The following BCAN variants were observed in gnomAD, a reference collection of about 807,000 sequenced individuals.
BCAN encodes the protein brevican.
A neutral mutation model predicts 92.4 loss-of-function variants in BCAN; 51 were observed. That is an observed-to-expected ratio of 0.55 (90% CI 0.44 to 0.70). The LOEUF (loss-of-function observed/expected upper bound fraction) is 0.70. Among genes scored for constraint, BCAN ranks in the 30% least tolerant of loss-of-function variants. The probability of loss-of-function intolerance (pLI) is 0.00; values close to 1 mark genes in which losing one functional copy is unlikely to be tolerated. For synonymous variants in BCAN, 501 were observed against 505.2 expected, an observed-to-expected ratio of 0.99 and a Z score of 0.11; for missense variants, 1,140 against 1,212.1, an observed-to-expected ratio of 0.94 and a Z score of 0.88.
Position 156,659,255 on chromosome 1 carries a change from A to G in BCAN, c.*121A>G. On this transcript the variant is annotated 3_prime_UTR_variant, in exon 14 of 14. Transcript: ENST00000329117. ...ATGACGAGGGGTGGTACTGGAGTCC[A>G]GGTGACAGTTCCTGAAGGGGCTTCT... 3 of 747,794 alleles carry G rather than the reference A, an allele frequency of 4.0e-6. No individual in the cohort carries two copies. Among genetic ancestry groups the G allele is most frequent in the Non-Finnish European group, 6.3e-6 (3 of 478,778 alleles). The allele number at this position is 747,794 out of a possible 1,614,324, so 46.3% of individuals were successfully genotyped here.
chr1:156,646,609 C>G, intron 2 of BCAN, 192 bp from the exon 3 acceptor site: 2 of 923,862 alleles, frequency 2.2e-6, no homozygotes, highest in Non-Finnish European at 1.5e-6. Flanking sequence ...GTCTGGAGAC[C>G]GTCGGGGTGG....
At chr1:156,654,331 C>T (rs193037748) in intron 8 of BCAN, among the ~76,000 whole-genome samples, 1 of 152,278 alleles carries the variant, frequency 6.6e-6, no homozygotes, top group Admixed American at 6.5e-5. Flanking sequence ...CCCATGTCAA[C>T]TGTTAGGTCC....
intron 1 of BCAN, 130 bp from the exon 2 acceptor site, chr1:156,645,917 C>T (rs1371622087): frequency 1.3e-5 from 9 of 667,346 alleles, no homozygotes; most frequent in Non-Finnish European, 2.2e-5. Flanking sequence ...ACAGAGAGTC[C>T]ATGGTGATGT....
At chr1:156,657,906 C>A (rs1679392404) in intron 11 of BCAN, 149 bp downstream of exon 11, 2 of 831,340 alleles carry the variant, frequency 2.4e-6, no homozygotes, top group Non-Finnish European at 3.7e-6. Context: ...CCTGGGCTCT[C>A]CTCCCTTCGT....
chr1:156,651,559 A>C lies in BCAN; in HGVS notation c.1167A>C (p.Glu389Asp), dbSNP rs1418341506. The C allele has an allele frequency of 6.2e-7, 1 of 1,613,858 alleles. No homozygotes were observed. The highest frequency in any genetic ancestry group is 8.5e-7 in the Non-Finnish European group (1 of 1,180,002). ...TCACAGTGACAGAGACCCTGGAGGA[A>C]CTGCAGCTGCCTCAGGAAGCCACAG... ...AIVTVTETLE[E>D]LQLPQEATES... The change falls in exon 7 of 14, where the codon GAA (glutamate) becomes GAC (aspartate). Residue 389 changes from glutamate (E) to aspartate (D), a missense_variant. This residue lies in a region of BCAN where 825 missense variants were observed against 871.8 expected (regional missense o/e 0.95). Transcript: ENST00000329117.
Position 156,657,466 on chromosome 1 carries a change from C to G in BCAN, c.2210-209C>G, listed in dbSNP as rs532008757. ...TTTTTCCAAAACTCCCCTTTTCTAG[C>G]CTGGGTTGATATCTTCCTTATTCTC... On this transcript the variant is annotated intron_variant, in intron 10 of 13. Transcript: ENST00000329117. 78 of 559,360 alleles carry G rather than the reference C, an allele frequency of 1.4e-4. 1 individual carries two copies. In the South Asian group the frequency reaches 1.9e-3, roughly 14 times the overall value. The allele number at this position is 559,360 out of a possible 1,614,324, so 34.6% of individuals were successfully genotyped here.
In BCAN at chr1:156,652,669, G is replaced by A; in HGVS notation, c.1719G>A (p.Glu573=). 1 of 1,613,340 alleles carries A rather than the reference G, an allele frequency of 6.2e-7. No homozygotes were observed. Among genetic ancestry groups the A allele is most frequent in the South Asian group, 1.1e-5 (1 of 91,030 alleles). Residue 573 remains glutamate, a synonymous_variant, in exon 8 of 14, where the codon GAG becomes GAA. Transcript: ENST00000329117. ...TGGGGGAGGCAACTGGTGGTCCTGA[G>A]CTATCTGGGGTCCCTCGAGGAGAGA... ...REVGEATGGP[E]LSGVPRGESE...
Position 156,658,037 on chromosome 1 carries a change from C to T in BCAN, c.2293-90C>T. Reference sequence around the variant, plus strand: ...CCCTAACCTTCCCTCTCCTGGGGCCCCGCTCACCAGCCCTCCTCCCCAGAT... The same window carrying T: ...CCCTAACCTTCCCTCTCCTGGGGCCTCGCTCACCAGCCCTCCTCCCCAGAT... On this transcript the variant is annotated intron_variant, in intron 11 of 13. Transcript: ENST00000329117. This position sits in a 1 kb window ranked among gnomAD's most constrained non-coding sequence, Gnocchi z 4.4. 6.7e-7 allele frequency: 1 copy of T among 1,493,132 alleles called. No individual in the cohort carries two copies. The highest frequency in any genetic ancestry group is 9.1e-7 in the Non-Finnish European group (1 of 1,097,904). 92.5% of individuals were successfully genotyped at this position (1,493,132 alleles called of 1,614,324 possible).
rs1325468831 is a variant in BCAN at position 156,646,035 on chromosome 1, T to C, written c.-8-12T>C. The C allele has an allele frequency of 4.4e-6, 7 of 1,605,496 alleles. No homozygotes were observed. The highest frequency in any genetic ancestry group is 6.0e-6 in the Non-Finnish European group (7 of 1,173,476). On this transcript the variant is annotated splice_polypyrimidine_tract_variant and intron_variant, in intron 1 of 13. Transcript: ENST00000329117. The stretch of plus-strand genomic sequence containing the variant: ...TCTAACCCCATCTTTCCTTCTCATG[T>C]CCCTCTGTCAGCCTGCAGCATGGCC...
chr1:156,651,594 C>T lies in BCAN; in HGVS notation c.1202C>T (p.Ser401Phe). ...QLPQEATESE[S>F]RGAIYSIPIM... ...CCTCAGGAAGCCACAGAGAGTGAAT[C>T]CCGTGGGGCCATCTACTCCATCCCC... The change falls in exon 7 of 14, where the codon TCC becomes TTC. Residue 401 changes from serine (S) to phenylalanine (F), a missense_variant. Ser to Phe is a radical substitution (Grantham distance 155, BLOSUM62 -2). Around this residue, in one of 3 missense-constraint regions of BCAN, gnomAD observed 825 missense variants for 871.8 expected, o/e 0.95. Coordinates refer to ENST00000329117, the MANE Select transcript of BCAN (RefSeq NM_021948.5). 3 of 1,613,940 alleles carry T rather than the reference C, an allele frequency of 1.9e-6. No homozygotes were observed. In the Middle Eastern group the frequency reaches 4.9e-4, roughly 266 times the overall value.
rs775202673 is a variant in BCAN, at chr1:156,647,871, C to G, written c.642-112C>G. 2 of 1,558,156 alleles carry G rather than the reference C, an allele frequency of 1.3e-6. No individual in the cohort carries two copies. ...ATCCCTGCAGTGCTAGAAGGACAGCCAGCTGTCAGCAAGTGTCTGCACTGT... is the reference window on the plus strand; with the variant it reads ...ATCCCTGCAGTGCTAGAAGGACAGCGAGCTGTCAGCAAGTGTCTGCACTGT... On this transcript the variant is annotated intron_variant, in intron 4 of 13. Coordinates refer to ENST00000329117, the MANE Select transcript of BCAN (RefSeq NM_021948.5). This position sits in a 1 kb window ranked among gnomAD's most constrained non-coding sequence, Gnocchi z 4.8.
In BCAN at chr1:156,658,376, G is replaced by A; in HGVS notation, c.2437+105G>A. On this transcript the variant is annotated intron_variant, in intron 12 of 13. Transcript: ENST00000329117. This position sits in a 1 kb window ranked among gnomAD's most constrained non-coding sequence, Gnocchi z 4.4. ...AGAGAGTGCAAAGCAACATAGAGGAGTCAGAACGTGTTCCAGACCATGGGA... is the reference window on the plus strand; with the variant it reads ...AGAGAGTGCAAAGCAACATAGAGGAATCAGAACGTGTTCCAGACCATGGGA... 2 of 1,504,828 alleles carry A rather than the reference G, an allele frequency of 1.3e-6. No homozygotes were observed. The highest frequency in any genetic ancestry group is 1.3e-5 in the South Asian group (1 of 78,040). The allele number at this position is 1,504,828 out of a possible 1,614,324, so 93.2% of individuals were successfully genotyped here. A position where few individuals can be genotyped will look rare whatever the true frequency, so the allele number is the denominator to read the frequency against.
Position 156,657,713 on chromosome 1 carries a change from A to G in BCAN, c.2248A>G (p.Arg750Gly), listed in dbSNP as rs371785076. 24 of 1,612,358 alleles carry G rather than the reference A, an allele frequency of 1.5e-5. No individual in the cohort carries two copies. The highest frequency in any genetic ancestry group is 2.7e-5 in the African/African-American group (2 of 74,780). The change falls in exon 11 of 14, where the codon AGG (arginine) becomes GGG (glycine). Residue 750 changes from arginine to glycine, a missense_variant. Arg to Gly is a moderately radical substitution (Grantham distance 125, BLOSUM62 -2). Coordinates refer to ENST00000329117, the MANE Select transcript of BCAN (RefSeq NM_021948.5). ...REYQWIGLND[R>G]TIEGDFLWSD... The stretch of plus-strand genomic sequence containing the variant: ...GTACCAGTGGATCGGACTCAACGAC[A>G]GGACCATCGAAGGCGACTTCTTGTG...
At chr1:156,657,789 G>C (rs949970421) in intron 11 of BCAN, 32 bp downstream of exon 11, 3 of 1,581,430 alleles carry the variant, frequency 1.9e-6, no homozygotes, top group East Asian at 2.2e-5. Context: ...CCGCCGTCTA[G>C]CTCACTTCCT....
chr1:156,653,147 T>C (rs939051922), intron 8 of BCAN: 23 of 1,399,320 alleles, frequency 1.6e-5, no homozygotes, highest in Admixed American at 3.3e-5. Flanking sequence ...TTCCCTGCCA[T>C]TGGGCCCTCC....
rs1182345758 is a variant in BCAN, at chr1:156,659,208, C to T, written c.*74C>T. The stretch of plus-strand genomic sequence containing the variant: ...AATTTTCCCTCACACCCTGCGCTCC[C>T]GCCACCACAGGAAGTGACAACATGA... On this transcript the variant is annotated 3_prime_UTR_variant, in exon 14 of 14. Coordinates refer to ENST00000329117, the MANE Select transcript of BCAN (RefSeq NM_021948.5). The T allele has an allele frequency of 3.5e-6, 4 of 1,151,428 alleles. No individual in the cohort carries two copies. The highest frequency in any genetic ancestry group is 4.8e-6 in the Non-Finnish European group (4 of 825,570). 71.3% of individuals were successfully genotyped at this position (1,151,428 alleles called of 1,614,324 possible). A position where few individuals can be genotyped will look rare whatever the true frequency, so the allele number is the denominator to read the frequency against.
In BCAN at chr1:156,647,635, G is replaced by T. The variant is rs1410562271; in HGVS notation, c.594G>T (p.Gly198=). 4 of 1,611,342 alleles carry T rather than the reference G, an allele frequency of 2.5e-6. No homozygotes were observed. The Admixed American group carries it at 6.7e-5, about 27-fold the overall frequency. Reference sequence around the variant, plus strand: ...AGCAGCTCTATGCCGCCTACCTTGGGGGCTATGAGCAATGTGATGCTGGCT... The same window carrying T: ...AGCAGCTCTATGCCGCCTACCTTGGTGGCTATGAGCAATGTGATGCTGGCT... The part of the protein sequence containing the change: ...TPEQLYAAYL[G]GYEQCDAGWL... The change falls in exon 4 of 14, where the codon GGG becomes GGT. Residue 198 remains glycine, a synonymous_variant. Coordinates refer to ENST00000329117, the MANE Select transcript of BCAN (RefSeq NM_021948.5). This position sits in a 1 kb window ranked among gnomAD's most constrained non-coding sequence, Gnocchi z 4.8.
At position 156,645,583 on chromosome 1, in the gene BCAN, C is replaced by T. The variant is rs117346556; in HGVS notation, c.-8-464C>T. Among the ~76,000 whole-genome samples, 149 of 152,208 alleles carry T rather than the reference C, an allele frequency of 9.8e-4. No individual in the cohort carries two copies. The East Asian group carries it at 0.028, about 28-fold the overall frequency. On this transcript the variant is annotated intron_variant, in intron 1 of 13. Transcript: ENST00000329117. Reference sequence around the variant, plus strand: ...GCTAAAGAGATACTATGGGAGAAGGCTCTGGGTTCGAGGAAGGAGTCTGGC... The same window carrying T: ...GCTAAAGAGATACTATGGGAGAAGGTTCTGGGTTCGAGGAAGGAGTCTGGC...
In BCAN at chr1:156,658,441, C is replaced by A; in HGVS notation, c.2438-102C>A. 1 of 1,485,300 alleles carries A rather than the reference C, an allele frequency of 6.7e-7. No homozygotes were observed. 92.0% of individuals were successfully genotyped at this position (1,485,300 alleles called of 1,614,324 possible). Reference sequence around the variant, plus strand: ...CGTGGGTCCACTCGGAATCCCTGATCTTTTTTTGTCATGTTGTGGCCCATT... The same window carrying A: ...CGTGGGTCCACTCGGAATCCCTGATATTTTTTTGTCATGTTGTGGCCCATT... On this transcript the variant is annotated intron_variant, in intron 12 of 13. Transcript: ENST00000329117. The surrounding 1 kb of genome is among the most constrained non-coding windows in gnomAD (Gnocchi z 4.4).
Sources: gnomAD v4.1 joint callset for allele counts (sites outside exome capture counted in the v4.1 genomes callset) on GRCh38, gnomAD v4.1.1 for gene constraint, gnomAD v4.1.1 regional missense constraint, Gnocchi (gnomAD v3.1) non-coding constraint, MANE v1.5 for transcripts, NCBI Gene and HGNC (gene_info 2026-07-23, HGNC 2026-07-21) for gene names.